The following PLCE1 variants were observed in gnomAD, a reference collection of about 807,000 sequenced individuals.
PLCE1 encodes 1-phosphatidylinositol 4,5-bisphosphate phosphodiesterase epsilon-1.
A neutral mutation model predicts 242.8 loss-of-function variants in PLCE1; 119 were observed. That is an observed-to-expected ratio of 0.49 (90% confidence interval 0.42 to 0.57). PLCE1 has a LOEUF of 0.57. Among genes scored for constraint, PLCE1 ranks in the 20% least tolerant of loss-of-function variants. PLCE1 has a pLI of 0.00. For synonymous variants in PLCE1, 945 were observed against 1,017.4 expected (o/e 0.93, Z 1.35); for missense variants, 2,441 against 2,788.8 (o/e 0.88, Z 2.81).
In PLCE1 at chr10:94,328,553, G is replaced by A. The variant is rs1235916859; in HGVS notation, c.*610G>A. Reference sequence around the variant, plus strand: ...CCTTAATTTGCCAACACAACTAAGAGAAGAGAACTGGGAACAAGGAGCACA... The same window carrying A: ...CCTTAATTTGCCAACACAACTAAGAAAAGAGAACTGGGAACAAGGAGCACA... On this transcript the variant is annotated 3_prime_UTR_variant, in exon 33 of 33. Transcript: ENST00000371380. 2 of 152,256 alleles carry A rather than the reference G, an allele frequency of 1.3e-5. No individual in the cohort carries two copies. The highest frequency in any genetic ancestry group is 2.9e-5 in the Non-Finnish European group (2 of 68,116). The allele number at this position is 152,256 out of a possible 1,614,324, so 9.4% of individuals were successfully genotyped here.
At chr10:94,042,213 C>T (rs968871958) in intron 2 of PLCE1, among the ~76,000 whole-genome samples, 10 of 152,138 alleles carry the variant, frequency 6.6e-5, no homozygotes, top group African/African-American at 2.2e-4. Flanking sequence ...TCTTGTGACT[C>T]ACTCCCTGAC....
chr10:94,304,457 G>A (rs1231261800), intron 24 of PLCE1, 25 bp from the exon 25 acceptor site: 2 of 1,607,588 alleles, frequency 1.2e-6, no homozygotes, highest in Non-Finnish European at 1.7e-6. Context: ...AGCTATATTG[G>A]CTTTCTTTGT....
chr10:94,071,474 G>C (rs1244146498), intron 2 of PLCE1, among the ~76,000 whole-genome samples: 1 of 139,572 alleles, frequency 7.2e-6, no homozygotes. Context: ...GGTTTTGTCT[G>C]TGTGTGTGTG....
intron 2 of PLCE1, among the ~76,000 whole-genome samples, chr10:94,042,245 G>C (rs1301433024): frequency 6.6e-6 from 1 of 152,146 alleles, no homozygotes; most frequent in Admixed American, 6.6e-5. Flanking sequence ...GAAGGGCAGA[G>C]GATTTGGCTA....
chr10:94,166,268 AAG>A (rs1393836317), intron 3 of PLCE1, among the ~76,000 whole-genome samples: 1 of 152,140 alleles, frequency 6.6e-6, no homozygotes, highest in East Asian at 1.9e-4. Context: ...ATATTTTTGC[AAG>A]AGTTTCTGTT....
In PLCE1 at chr10:94,284,862, A is replaced by G; in HGVS notation, c.4932A>G (p.Glu1644=). Residue 1644 remains glutamate (E), a synonymous_variant, in exon 22 of 33, where the codon GAA becomes GAG. Transcript: ENST00000371380. ...TCCCTTACCAGGTTTATGATATGGA[A>G]CTGGGAGAAGAATTTTATCTTGATC... ...ACNKGKVYDM[E]LGEEFYLDQN... is the part of the protein sequence containing the mutation. The G allele has an allele frequency of 3.1e-6, 5 of 1,592,946 alleles. No homozygotes were observed. The highest frequency in any genetic ancestry group is 4.3e-6 in the Non-Finnish European group (5 of 1,160,760).
intron 4 of PLCE1, among the ~76,000 whole-genome samples, chr10:94,216,287 AG>A (rs1343610291): frequency 6.6e-6 from 1 of 152,148 alleles, no homozygotes; most frequent in Admixed American, 6.5e-5. Flanking sequence ...GGAGAGGTAA[AG>A]GAGCACTCCT....
chr10:94,207,545 GTGTGTGTGTA>G (rs1170606971), intron 4 of PLCE1, among the ~76,000 whole-genome samples: 1 of 149,982 alleles, frequency 6.7e-6, no homozygotes, highest in East Asian at 1.9e-4. Flanking sequence ...GTGTGTGTGT[GTGTGTGTGTA>G]TAGACTTTTT....
intron 29 of PLCE1, among the ~76,000 whole-genome samples, chr10:94,319,864 CTTTTTTTTT>C (rs58610099): frequency 9.7e-5 from 9 of 92,938 alleles, no homozygotes; most frequent in East Asian, 3.3e-4. Context: ...CAAAGGTGCT[CTTTTTTTTT>C]TTTTTTTTTT....
intron 4 of PLCE1, among the ~76,000 whole-genome samples, chr10:94,224,386 G>A (rs1460311387): frequency 1.3e-5 from 2 of 152,284 alleles, no homozygotes; most frequent in Admixed American, 1.3e-4. Flanking sequence ...CCTCTCCAGG[G>A]GGAGGTGAGT....
intron 1 of PLCE1, among the ~76,000 whole-genome samples, chr10:94,006,665 A>G (rs937881004): frequency 1.3e-5 from 2 of 152,228 alleles, no homozygotes; most frequent in East Asian, 3.8e-4. Context: ...TTTCCTTGGA[A>G]ACAGATCTGC....
intron 7 of PLCE1, among the ~76,000 whole-genome samples, chr10:94,239,813 C>T (rs1305509260): frequency 6.7e-6 from 1 of 149,110 alleles, no homozygotes; most frequent in African/African-American, 2.6e-5. Flanking sequence ...CAGGATTAAC[C>T]ACACACACAC....
intron 1 of PLCE1, among the ~76,000 whole-genome samples, chr10:94,007,600 A>G (rs1195929035): frequency 2.1e-5 from 2 of 94,314 alleles, no homozygotes; most frequent in Non-Finnish European, 4.2e-5. Context: ...TTTTTTTGCT[A>G]CTGGTGTTTC....
rs116346320 is a variant in PLCE1, at chr10:94,035,794, G to A, written c.1206+3542G>A. Reference sequence around the variant, plus strand: ...GTAGAAATTCTCAAAAGTTGCACAGGTGAATTATAACTAGTTTTTCCCAGC... The same window carrying A: ...GTAGAAATTCTCAAAAGTTGCACAGATGAATTATAACTAGTTTTTCCCAGC... On this transcript the variant is annotated intron_variant, in intron 2 of 32. Transcript: ENST00000371380. 5.1e-3 allele frequency among the ~76,000 whole-genome samples: 784 copies of A among 152,234 alleles called. 12 individuals carry two copies. The highest frequency in any genetic ancestry group is 0.018 in the African/African-American group (745 of 41,532).
chr10:94,332,513 G>A lies in PLCE1; in HGVS notation c.*4570G>A, dbSNP rs937307602. ...TCAGGATATGTGTGTGCCTGTGTGT[G>A]TGTGTGTGTGTGTGTGTGTGTGTGT... On this transcript the variant is annotated 3_prime_UTR_variant, in exon 33 of 33. Coordinates refer to ENST00000371380, the MANE Select transcript of PLCE1 (RefSeq NM_016341.4). The A allele has an allele frequency of 8.9e-6, 1 of 112,392 alleles. No homozygotes were observed. The highest frequency in any genetic ancestry group is 1.9e-5 in the Non-Finnish European group (1 of 52,714). The allele number at this position is 112,392 out of a possible 1,614,324, so 7.0% of individuals were successfully genotyped here. A position where few individuals can be genotyped will look rare whatever the true frequency, so the allele number is the denominator to read the frequency against.
chr10:94,269,014 T>G lies in PLCE1; in HGVS notation c.4367T>G (p.Leu1456Arg), dbSNP rs1589446823. Residue 1456 changes from leucine to arginine, a missense_variant, in exon 17 of 33, where the codon CTG (leucine) becomes CGG (arginine). By Grantham distance (102) the Leu-to-Arg change is moderately radical. Coordinates refer to ENST00000371380, the MANE Select transcript of PLCE1 (RefSeq NM_016341.4). ...CCCATCATTTATCATGGACATACGCTGACAACCAAGATCCCCTTCAAGGTA... is the reference window on the plus strand; with the variant it reads ...CCCATCATTTATCATGGACATACGCGGACAACCAAGATCCCCTTCAAGGTA... ...GMPIIYHGHT[L>R]TTKIPFKEVV... The G allele has an allele frequency of 1.9e-6, 3 of 1,598,506 alleles. No individual in the cohort carries two copies. The East Asian group carries it at 6.7e-5, about 36-fold the overall frequency.
At chr10:94,235,681 G>A in intron 6 of PLCE1, 1 of 971,854 alleles carries the variant, frequency 1.0e-6, no homozygotes, top group Non-Finnish European at 1.2e-6. Flanking sequence ...TTTTAAATTT[G>A]AAGTGGAGTG....
chr10:94,185,744 T>C (rs1036945048), intron 4 of PLCE1, among the ~76,000 whole-genome samples: 92 of 152,318 alleles, frequency 6.0e-4, no homozygotes, highest in African/African-American at 2.0e-3. Context: ...ATAAAGACTG[T>C]GCATGCCATG....
chr10:94,071,495 G>GTTTTTTTTTTTTTGT (rs2044353486), intron 2 of PLCE1, among the ~76,000 whole-genome samples: 3 of 83,314 alleles, frequency 3.6e-5, no homozygotes, highest in African/African-American at 1.6e-4. Context: ...TTTGGTTTTC[G>GTTTTTTTTTTTTTGT]TTTTTTTTTT....
Sources: allele counts gnomAD v4.1 joint callset (sites outside exome capture counted in the v4.1 genomes callset), GRCh38; gene constraint gnomAD v4.1.1; transcripts MANE v1.5; gene names NCBI Gene and HGNC (gene_info 2026-07-23, HGNC 2026-07-21).